CNTNAP3B: variants seen among roughly 807,000 people sequenced by gnomAD.
CNTNAP3B encodes contactin-associated protein-like 3B.
Under a neutral mutation model 108.9 loss-of-function variants are expected in CNTNAP3B, and 25 were observed. That is an observed-to-expected ratio of 0.23 (90% CI 0.17 to 0.32). The LOEUF (loss-of-function observed/expected upper bound fraction) is 0.32. Ranked by LOEUF, CNTNAP3B falls within the 10% of genes least tolerant of loss-of-function variation. The pLI is 1.00. For missense variants in CNTNAP3B, 252 were observed against 1,210.4 expected (o/e 0.21, Z 11.75); for synonymous variants, 103 against 473.4 (o/e 0.22, Z 10.16).
At chr9:41,950,644 T>C (rs1228392161) in intron 13 of CNTNAP3B, among the ~76,000 whole-genome samples, 1 of 150,360 alleles carries the variant, frequency 6.7e-6, no homozygotes, top group Non-Finnish European at 1.5e-5. Flanking sequence ...GAGTACATAC[T>C]ATATAATTTC....
Position 42,054,474 on chromosome 9 carries a change from T to C in CNTNAP3B, c.390+22395A>G, listed in dbSNP as rs539525985. 2.6e-5 allele frequency among the ~76,000 whole-genome samples: 4 copies of C among 151,850 alleles called. No homozygotes were observed. In the East Asian group the frequency reaches 5.8e-4, roughly 22 times the overall value. On this transcript the variant is annotated intron_variant, in intron 3 of 23. Coordinates refer to ENST00000377561, the MANE Select transcript of CNTNAP3B (RefSeq NM_001201380.3). ...GCGTGACTGGATTCCACATCCACCC[T>C]GCATTTTGTAATCGAAGGTGAGGAA... is the stretch of plus-strand genomic sequence containing the variant.
intron 1 of CNTNAP3B, among the ~76,000 whole-genome samples, chr9:42,114,751 C>T (rs1332022980): frequency 2.3e-5 from 3 of 132,584 alleles, no homozygotes; most frequent in Non-Finnish European, 3.2e-5. Flanking sequence ...AAACATGTTC[C>T]ACTGAAGAAG....
chr9:41,937,114 T>TTTTTTATTA (rs762179814), intron 14 of CNTNAP3B, among the ~76,000 whole-genome samples: 2 of 141,440 alleles, frequency 1.4e-5, no homozygotes, highest in African/African-American at 5.3e-5. Context: ...TATTTATTAA[T>TTTTTTATTA]TTATTATTAT....
At chr9:41,913,896 T>A (rs1823462745) in intron 18 of CNTNAP3B, among the ~76,000 whole-genome samples, 2 of 78,636 alleles carry the variant, frequency 2.5e-5, no homozygotes, top group Non-Finnish European at 4.9e-5. Flanking sequence ...ATACACTACA[T>A]TTTTTAATCA....
chr9:41,956,189 A>C (rs1356650627), intron 12 of CNTNAP3B, among the ~76,000 whole-genome samples: 1 of 152,186 alleles, frequency 6.6e-6, no homozygotes, highest in Non-Finnish European at 1.5e-5. Context: ...GATCGAGACC[A>C]TCCTGGCTAA....
At chr9:42,112,452 G>T (rs1424074773) in intron 1 of CNTNAP3B, among the ~76,000 whole-genome samples, 1 of 139,078 alleles carries the variant, frequency 7.2e-6, no homozygotes, top group African/African-American at 2.9e-5. Flanking sequence ...AAGGAGCCTT[G>T]CCTGCTGACT....
At chr9:41,955,743 G>C (rs1824837910) in intron 12 of CNTNAP3B, among the ~76,000 whole-genome samples, 1 of 152,300 alleles carries the variant, frequency 6.6e-6, no homozygotes, top group Non-Finnish European at 1.5e-5. Context: ...CCAGAAGGAG[G>C]GTAACTGTAA....
chr9:41,943,773 A>G (rs1824437958), intron 13 of CNTNAP3B, among the ~76,000 whole-genome samples: 1 of 152,264 alleles, frequency 6.6e-6, no homozygotes, highest in Non-Finnish European at 1.5e-5. Flanking sequence ...GAATGTTTCA[A>G]AATTAATGAC....
Position 42,002,697 on chromosome 9 carries a change from T to C in CNTNAP3B, c.539-4093A>G, listed in dbSNP as rs1448993625. Among the ~76,000 whole-genome samples, 2 of 114,728 alleles carry C rather than the reference T, an allele frequency of 1.7e-5. 1 individual carries two copies. Among genetic ancestry groups the C allele is most frequent in the African/African-American group, 7.2e-5 (2 of 27,780 alleles). 75.3% of individuals were successfully genotyped at this position (114,728 alleles called of 152,430 possible). ...AAAGAGGACATATAATCCTGAAATATGATTGTTTCTGCCACATTCACAGTG... is the reference window on the plus strand; with the variant it reads ...AAAGAGGACATATAATCCTGAAATACGATTGTTTCTGCCACATTCACAGTG... On this transcript the variant is annotated intron_variant, in intron 4 of 23. Transcript: ENST00000377561.
chr9:41,939,904 A>G (rs1300702602), intron 13 of CNTNAP3B, among the ~76,000 whole-genome samples: 1 of 151,972 alleles, frequency 6.6e-6, no homozygotes, highest in Non-Finnish European at 1.5e-5. Context: ...TACAGAAGAC[A>G]ACCGAAGAGA....
Position 42,021,986 on chromosome 9 carries a change from A to T in CNTNAP3B, c.391-8461T>A, listed in dbSNP as rs1826318213. ...GGCTTAGGCAAGCCAACCGTGAGAGACATCTAGTTTATAGTTTAAATGATA... is the reference window on the plus strand; with the variant it reads ...GGCTTAGGCAAGCCAACCGTGAGAGTCATCTAGTTTATAGTTTAAATGATA... On this transcript the variant is annotated intron_variant, in intron 3 of 23. Coordinates refer to ENST00000377561, the MANE Select transcript of CNTNAP3B (RefSeq NM_001201380.3). Among the ~76,000 whole-genome samples the T allele has an allele frequency of 3.4e-5, 4 of 115,970 alleles. No individual in the cohort carries two copies. In the Admixed American group the frequency reaches 3.6e-4, roughly 10 times the overall value. 76.1% of individuals were successfully genotyped at this position (115,970 alleles called of 152,430 possible). A position where few individuals can be genotyped will look rare whatever the true frequency, so the allele number is the denominator to read the frequency against.
At chr9:42,054,149 G>C (rs1444701534) in intron 3 of CNTNAP3B, among the ~76,000 whole-genome samples, 1 of 107,172 alleles carries the variant, frequency 9.3e-6, no homozygotes, top group Non-Finnish European at 2.0e-5. Flanking sequence ...ATTGTAGCTT[G>C]TTGCAGCACT....
chr9:42,117,622 A>G (rs1743013298), intron 1 of CNTNAP3B, among the ~76,000 whole-genome samples: 1 of 137,544 alleles, frequency 7.3e-6, no homozygotes, highest in Admixed American at 7.2e-5. Context: ...AGAACCAGAG[A>G]AGCAAGAGCA....
intron 15 of CNTNAP3B, among the ~76,000 whole-genome samples, chr9:41,927,512 TGGGA>T (rs1823854358): frequency 8.0e-6 from 1 of 125,274 alleles, no homozygotes; most frequent in African/African-American, 3.1e-5. Flanking sequence ...CCAGACTGAA[TGGGA>T]GGGAGGAAGG....
intron 3 of CNTNAP3B, among the ~76,000 whole-genome samples, chr9:42,071,197 C>A (rs1274849721): frequency 7.9e-6 from 1 of 127,330 alleles, no homozygotes; most frequent in Admixed American, 7.7e-5. Context: ...AGGCTGGAGG[C>A]GGGTGGGGTG....
rs553010042 is a variant in CNTNAP3B, at chr9:42,096,072, T to G, written c.196+8557A>C. Among the ~76,000 whole-genome samples, 3 of 139,618 alleles carry G rather than the reference T, an allele frequency of 2.1e-5. No homozygotes were observed. The East Asian group carries it at 6.5e-4, about 30-fold the overall frequency. The allele number at this position is 139,618 out of a possible 152,430, so 91.6% of individuals were successfully genotyped here. On this transcript the variant is annotated intron_variant, in intron 2 of 23. Coordinates refer to ENST00000377561, the MANE Select transcript of CNTNAP3B (RefSeq NM_001201380.3). The stretch of plus-strand genomic sequence containing the variant: ...GTACCTCAGGGTGTCCTTGGATAAC[T>G]GGGGCTGTCCTCACCGGCCACCAGA...
intron 15 of CNTNAP3B, among the ~76,000 whole-genome samples, chr9:41,925,784 C>T (rs1410090399): frequency 6.6e-6 from 1 of 152,372 alleles, no homozygotes; most frequent in South Asian, 2.1e-4. Context: ...GACACCCATG[C>T]CTTTTTCAGC....
intron 14 of CNTNAP3B, among the ~76,000 whole-genome samples, chr9:41,933,333 T>C (rs1249605832): frequency 1.3e-5 from 2 of 152,296 alleles, no homozygotes; most frequent in African/African-American, 4.8e-5. Context: ...CAAAAATGTC[T>C]TCAGACAATG....
chr9:42,036,509 G>T (rs1409401406), intron 3 of CNTNAP3B, among the ~76,000 whole-genome samples: 1 of 136,868 alleles, frequency 7.3e-6, no homozygotes, highest in Non-Finnish European at 1.6e-5. Flanking sequence ...AGGAGCGCCC[G>T]CCATTGCTGA....
Sources: gnomAD v4.1 joint callset for allele counts (sites outside exome capture counted in the v4.1 genomes callset) on GRCh38, gnomAD v4.1.1 for gene constraint, MANE v1.5 for transcripts, NCBI Gene and HGNC (gene_info 2026-07-23, HGNC 2026-07-21) for gene names.